NEK6: variants seen among roughly 807,000 people sequenced by gnomAD.
NEK6 encodes the protein serine/threonine-protein kinase Nek6.
NEK6 carries 27 observed loss-of-function variants against 43.5 expected under a neutral mutation model. That is an observed-to-expected ratio of 0.62 (90% CI 0.46 to 0.86). The LOEUF is 0.86. Among genes scored for constraint, NEK6 ranks in the 40% least tolerant of loss-of-function variants. NEK6 has a pLI of 0.00. For missense variants in NEK6, 318 were observed against 414.4 expected, an observed-to-expected ratio of 0.77 and a Z score of 2.02; for synonymous variants, 167 against 164.1, an observed-to-expected ratio of 1.02 and a Z score of -0.14.
intron 8 of NEK6, among the ~76,000 whole-genome samples, chr9:124,346,565 A>C (rs1387680955): frequency 6.6e-6 from 1 of 152,012 alleles, no homozygotes; most frequent in African/African-American, 2.4e-5. Context: ...GCACTTCACT[A>C]GCCGGAGGCA....
chr9:124,302,025 C>A lies in NEK6; in HGVS notation c.61C>A (p.Leu21Met). Residue 21 changes from leucine to methionine, a missense_variant, in exon 2 of 10, where the codon CTG becomes ATG. Physicochemically the swap from Leu to Met is conservative, Grantham distance 15. Coordinates refer to ENST00000320246, the MANE Select transcript of NEK6 (RefSeq NM_014397.6). ...GGSSNNLCHT[L>M]GPVHPPDPQR... ...GAGTTCCAACAACCTCTGCCACACCCTGGGGCCTGTGCATCCTCCTGACCC... is the reference window on the plus strand; with the variant it reads ...GAGTTCCAACAACCTCTGCCACACCATGGGGCCTGTGCATCCTCCTGACCC... The A allele has an allele frequency of 6.2e-7, 1 of 1,604,958 alleles. No homozygotes were observed. Among genetic ancestry groups the A allele is most frequent in the East Asian group, 2.2e-5 (1 of 44,512 alleles).
chr9:124,312,357 G>A (rs1833576177), intron 2 of NEK6, 152 bp from the exon 3 acceptor site: 2 of 901,800 alleles, frequency 2.2e-6, no homozygotes, highest in Non-Finnish European at 3.2e-6. Context: ...AGCCCCCTGG[G>A]GGGGTGCCTG....
intron 7 of NEK6, among the ~76,000 whole-genome samples, chr9:124,329,918 GATGA>G (rs1428542421): frequency 6.6e-6 from 1 of 152,266 alleles, no homozygotes; most frequent in African/African-American, 2.4e-5. Flanking sequence ...TGTGCGTGGG[GATGA>G]ATTATGCATC....
intron 2 of NEK6, among the ~76,000 whole-genome samples, chr9:124,309,024 C>T (rs1351463518): frequency 1.3e-5 from 2 of 152,200 alleles, no homozygotes; most frequent in East Asian, 3.9e-4. Flanking sequence ...CTGCTGAGAG[C>T]CCCCAGGTGC....
chr9:124,313,795 G>GT, intron 3 of NEK6, 128 bp from the exon 4 acceptor site: 1 of 853,302 alleles, frequency 1.2e-6, no homozygotes, highest in Non-Finnish European at 1.9e-6. Context: ...GGGAGTGCAG[G>GT]GGGGGGTCAC....
Position 124,350,813 on chromosome 9 carries a change from AAC to A in NEK6, c.832-19_832-18del, listed in dbSNP as rs759063305. ...TCAGTAAGACTGCTTTCTTGAGAAT[AAC>A]ACACCATTCTCTCCCCTGCAGTTAC... On this transcript the variant is annotated intron_variant, in intron 9 of 9. Transcript: ENST00000320246. 1.3e-5 allele frequency: 20 copies of A among 1,556,532 alleles called. No homozygotes were observed. In the South Asian group the frequency reaches 1.9e-4, roughly 15 times the overall value.
intron 8 of NEK6, among the ~76,000 whole-genome samples, chr9:124,346,460 G>C (rs1339173209): frequency 6.6e-6 from 1 of 152,302 alleles, no homozygotes; most frequent in East Asian, 1.9e-4. Context: ...GGGCCCCTCG[G>C]TAGGCGCCCA....
At chr9:124,323,448 G>A (rs929450338) in intron 5 of NEK6, among the ~76,000 whole-genome samples, 1 of 152,110 alleles carries the variant, frequency 6.6e-6, no homozygotes, top group African/African-American at 2.4e-5. Flanking sequence ...TCAGCTCTGT[G>A]TTCTAGAAGA....
chr9:124,308,669 A>AAAC (rs1314296276), intron 2 of NEK6, among the ~76,000 whole-genome samples: 1 of 152,126 alleles, frequency 6.6e-6, no homozygotes, highest in African/African-American at 2.4e-5. Context: ...AAAAAAAAAA[A>AAAC]AAAAAACCAG....
chr9:124,347,746 T>A lies in NEK6; in HGVS notation c.755T>A (p.Met252Lys), dbSNP rs919717766. ...ALQSPFYGDK[M>K]NLFSLCQKIE... ...CAGAGCCCCTTCTATGGAGATAAGA[T>A]GAATCTCTTCTCCCTGTGCCAGAAG... The change falls in exon 9 of 10, where the codon ATG becomes AAG. Residue 252 changes from methionine to lysine, a missense_variant. By Grantham distance (95) the Met-to-Lys change is moderately conservative. Transcript: ENST00000320246. 3 of 1,612,954 alleles carry A rather than the reference T, an allele frequency of 1.9e-6. No individual in the cohort carries two copies. Among genetic ancestry groups the A allele is most frequent in the Non-Finnish European group, 2.5e-6 (3 of 1,179,408 alleles).
rs1487062841 is a variant in NEK6, at chr9:124,343,798, C to T, written c.718-3911C>T. 6.6e-6 allele frequency among the ~76,000 whole-genome samples: 1 copy of T among 152,204 alleles called. No individual in the cohort carries two copies. Among genetic ancestry groups the T allele is most frequent in the East Asian group, 1.9e-4 (1 of 5,188 alleles). ...AGGTCACCTGGGCCCTGGTGACAGACACAGCCGGAGAAAACCTGCCCTTCC... is the reference window on the plus strand; with the variant it reads ...AGGTCACCTGGGCCCTGGTGACAGATACAGCCGGAGAAAACCTGCCCTTCC... On this transcript the variant is annotated intron_variant, in intron 8 of 9. Coordinates refer to ENST00000320246, the MANE Select transcript of NEK6 (RefSeq NM_014397.6). The surrounding 1 kb of genome is among the most constrained non-coding windows in gnomAD (Gnocchi z 5.1).
chr9:124,326,524 C>A lies in NEK6; in HGVS notation c.514+86C>A. 3 of 1,021,406 alleles carry A rather than the reference C, an allele frequency of 2.9e-6. No homozygotes were observed. The highest frequency in any genetic ancestry group is 3.0e-6 in the Non-Finnish European group (2 of 663,332). The allele number at this position is 1,021,406 out of a possible 1,614,324, so 63.3% of individuals were successfully genotyped here. A position where few individuals can be genotyped will look rare whatever the true frequency, so the allele number is the denominator to read the frequency against. On this transcript the variant is annotated intron_variant, in intron 6 of 9. Coordinates refer to ENST00000320246, the MANE Select transcript of NEK6 (RefSeq NM_014397.6). This position sits in a 1 kb window ranked among gnomAD's most constrained non-coding sequence, Gnocchi z 4.5. Reference sequence around the variant, plus strand: ...ATGGCTCCTCCAGGGTCCTCAGGGGCAGCCCCTTGAGGAAGTTGGACCGCT... The same window carrying A: ...ATGGCTCCTCCAGGGTCCTCAGGGGAAGCCCCTTGAGGAAGTTGGACCGCT...
At chr9:124,328,408 T>C (rs1828783851) in intron 7 of NEK6, among the ~76,000 whole-genome samples, 1 of 152,148 alleles carries the variant, frequency 6.6e-6, no homozygotes, top group African/African-American at 2.4e-5. Flanking sequence ...CTCAGGGCTA[T>C]TTCCTGGCTC....
At position 124,337,291 on chromosome 9, in the gene NEK6, C is replaced by T. The variant is rs767761914; in HGVS notation, c.623-2280C>T. Among the ~76,000 whole-genome samples the T allele has an allele frequency of 2.6e-5, 4 of 152,330 alleles. 1 individual carries two copies. The highest frequency in any genetic ancestry group is 4.1e-4 in the South Asian group (2 of 4,826). ...CCCTCCACAATTTCCTCAGTGTTGG[C>T]GTTTCCTGCGGGGAGAAGAGGGACC... is the stretch of plus-strand genomic sequence containing the variant. On this transcript the variant is annotated intron_variant, in intron 7 of 9. Coordinates refer to ENST00000320246, the MANE Select transcript of NEK6 (RefSeq NM_014397.6).
At chr9:124,348,269 C>T (rs556886178) in intron 9 of NEK6, among the ~76,000 whole-genome samples, 40 of 152,318 alleles carry the variant, frequency 2.6e-4, no homozygotes, top group Admixed American at 5.2e-4. Flanking sequence ...TCAGTTTCCT[C>T]CTTATATAAC....
intron 1 of NEK6, among the ~76,000 whole-genome samples, chr9:124,291,646 C>T (rs78295840): frequency 5.4e-5 from 6 of 112,108 alleles, no homozygotes; most frequent in African/African-American, 9.0e-5. Flanking sequence ...AATAAATAAA[C>T]AAACAGCAAG....
chr9:124,284,268 G>T (rs1415933418), intron 1 of NEK6, among the ~76,000 whole-genome samples: 1 of 152,260 alleles, frequency 6.6e-6, no homozygotes, highest in African/African-American at 2.4e-5. Context: ...ATAATTGCTT[G>T]AACTAGGGAG....
Position 124,339,604 on chromosome 9 carries a change from T to C in NEK6, c.656T>C (p.Ile219Thr). ...CCCTACTACATGTCACCGGAGAGGA[T>C]CCATGAGAACGGCTACAACTTCAAG... ...GTPYYMSPER[I>T]HENGYNFKSD... The change falls in exon 8 of 10, where the codon ATC becomes ACC. Residue 219 changes from isoleucine to threonine, a missense_variant. Coordinates refer to ENST00000320246, the MANE Select transcript of NEK6 (RefSeq NM_014397.6). 6.2e-7 allele frequency: 1 copy of C among 1,613,990 alleles called. No individual in the cohort carries two copies. The highest frequency in any genetic ancestry group is 1.1e-5 in the South Asian group (1 of 91,074).
Position 124,270,693 on chromosome 9 carries a change from C to A in NEK6, c.-30+12608C>A, listed in dbSNP as rs566793378. ...TGCCCCCGACCCTCCTGCCTGCATC[C>A]GGGCCCCTGCTGCAGGTAACGGGTG... On this transcript the variant is annotated intron_variant, in intron 1 of 9. Transcript: ENST00000320246. Among the ~76,000 whole-genome samples the A allele has an allele frequency of 4.6e-5, 7 of 152,350 alleles. No individual in the cohort carries two copies. The South Asian group carries it at 1.4e-3, about 32-fold the overall frequency.
Sources: gnomAD v4.1 joint callset for allele counts (sites outside exome capture counted in the v4.1 genomes callset) on GRCh38, gnomAD v4.1.1 for gene constraint, Gnocchi (gnomAD v3.1) non-coding constraint, MANE v1.5 for transcripts, NCBI Gene and HGNC (gene_info 2026-07-23, HGNC 2026-07-21) for gene names.